The following MYLK2 variants were observed in gnomAD, a reference collection of about 807,000 sequenced individuals.
MYLK2 encodes the protein myosin light chain kinase 2, skeletal/cardiac muscle.
A neutral mutation model predicts 58.2 loss-of-function variants in MYLK2; 27 were observed. That is an observed-to-expected ratio of 0.46 (90% CI 0.34 to 0.64). MYLK2 has a LOEUF of 0.64. MYLK2 is among the 30% of genes least tolerant of loss of function. MYLK2 has a pLI of 0.01. For missense variants in MYLK2, 676 were observed against 764.3 expected (o/e 0.88, Z 1.36); for synonymous variants, 310 against 296.7 (o/e 1.04, Z -0.46).
intron 5 of MYLK2, chr20:31,823,857 A>C: frequency 1.3e-6 from 1 of 796,758 alleles, no homozygotes; most frequent in Non-Finnish European, 1.5e-6. Flanking sequence ...TCCAGGCACC[A>C]CACTGACCCC....
rs759832182 is a variant in MYLK2, at chr20:31,831,693, C to T, written c.1425-10C>T. The stretch of plus-strand genomic sequence containing the variant: ...TCACCTCCCTGCCCCCTGCTATCCC[C>T]TCCCTCTAGGCTGAGCGGCCTCTCC... On this transcript the variant is annotated splice_polypyrimidine_tract_variant and intron_variant, in intron 10 of 12. Transcript: ENST00000375985. 3.1e-6 allele frequency: 5 copies of T among 1,613,894 alleles called. No homozygotes were observed. Among genetic ancestry groups the T allele is most frequent in the Non-Finnish European group, 4.2e-6 (5 of 1,179,986 alleles).
rs2062323136 is a variant in MYLK2 at position 31,834,344 on chromosome 20, CCCCACTCCAGCAGATAAGGCCGAG to C, written c.*553_*576del. Reference sequence around the variant, plus strand: ...GAGGACCTCCATGCCCCCGCCACCTCCCCACTCCAGCAGATAAGGCCGAGCCCACACCATCTGGCCCAGGCTGGC... The same window carrying C: ...GAGGACCTCCATGCCCCCGCCACCTCCCCACACCATCTGGCCCAGGCTGGC... On this transcript the variant is annotated 3_prime_UTR_variant, in exon 13 of 13. Transcript: ENST00000375985. 1.2e-5 allele frequency: 2 copies of C among 163,564 alleles called. No homozygotes were observed. The highest frequency in any genetic ancestry group is 1.5e-4 in the South Asian group (1 of 6,532). The allele number at this position is 163,564 out of a possible 1,614,324, so 10.1% of individuals were successfully genotyped here. A position where few individuals can be genotyped will look rare whatever the true frequency, so the allele number is the denominator to read the frequency against.
intron 5 of MYLK2, 50 bp from the exon 6 acceptor site, chr20:31,824,209 A>C (rs754250006): frequency 6.9e-6 from 11 of 1,590,336 alleles, no homozygotes; most frequent in Middle Eastern, 1.7e-4. Flanking sequence ...GATGCCACTG[A>C]CCCCGGTGGG....
chr20:31,824,364 G>A lies in MYLK2; in HGVS notation c.972+12G>A, dbSNP rs749280011. ...CTCCCAAAGACAAGGTAGTGAGGTT[G>A]CGGGGGTGGTGGCTGCCCAGGATGG... On this transcript the variant is annotated intron_variant, in intron 6 of 12. Transcript: ENST00000375985. The A allele has an allele frequency of 3.7e-6, 6 of 1,606,056 alleles. No homozygotes were observed. The highest frequency in any genetic ancestry group is 3.3e-5 in the South Asian group (3 of 89,936).
At chr20:31,822,727 C>A (rs967446766) in intron 4 of MYLK2, among the ~76,000 whole-genome samples, 4 of 152,126 alleles carry the variant, frequency 2.6e-5, no homozygotes, top group African/African-American at 9.7e-5. Flanking sequence ...GCCACCCAGA[C>A]AGGGTGGGAG....
At chr20:31,832,214 T>A (rs1269720465) in intron 12 of MYLK2, 78 bp downstream of exon 12, 4 of 1,552,372 alleles carry the variant, frequency 2.6e-6, no homozygotes, top group Non-Finnish European at 3.5e-6. Context: ...GCCTCCACCG[T>A]CCCTGCCTTG....
chr20:31,821,753 G>C lies in MYLK2; in HGVS notation c.772+16G>C. On this transcript the variant is annotated intron_variant, in intron 4 of 12. Transcript: ENST00000375985. The stretch of plus-strand genomic sequence containing the variant: ...CAGATTTTGGGTAGGCCAGGGGCAG[G>C]TGGGGGCTGGGGCTGCCCTGGGGCC... The C allele has an allele frequency of 6.3e-7, 1 of 1,578,530 alleles. No individual in the cohort carries two copies. Among genetic ancestry groups the C allele is most frequent in the South Asian group, 1.2e-5 (1 of 84,852 alleles).
At chr20:31,822,490 T>C (rs757656146) in intron 4 of MYLK2, among the ~76,000 whole-genome samples, 23 of 152,202 alleles carry the variant, frequency 1.5e-4, no homozygotes, top group East Asian at 3.9e-4. Flanking sequence ...GTGGCCTTCA[T>C]TGATGATTAG....
chr20:31,832,404 C>T (rs893128422), intron 12 of MYLK2, among the ~76,000 whole-genome samples: 2 of 152,242 alleles, frequency 1.3e-5, no homozygotes, highest in Non-Finnish European at 2.9e-5. Flanking sequence ...GCATCTACTA[C>T]TTCTAGGCAT....
At position 31,834,590 on chromosome 20, in the gene MYLK2, G is replaced by A. The variant is rs1408754414; in HGVS notation, c.*793G>A. 2 of 152,736 alleles carry A rather than the reference G, an allele frequency of 1.3e-5. No homozygotes were observed. Among genetic ancestry groups the A allele is most frequent in the African/African-American group, 4.8e-5 (2 of 41,472 alleles). 9.5% of individuals were successfully genotyped at this position (152,736 alleles called of 1,614,324 possible). A position where few individuals can be genotyped will look rare whatever the true frequency, so the allele number is the denominator to read the frequency against. On this transcript the variant is annotated 3_prime_UTR_variant, in exon 13 of 13. Coordinates refer to ENST00000375985, the MANE Select transcript of MYLK2 (RefSeq NM_033118.4). ...TTGGGGGTCACCCATGGCCTCAGAT[G>A]ATGGGGTCAGCAGGCCCAGGAGAAT...
In MYLK2 at chr20:31,821,703, C is replaced by G; in HGVS notation, c.738C>G (p.Leu246=). 1 of 1,610,636 alleles carries G rather than the reference C, an allele frequency of 6.2e-7. No homozygotes were observed. Among genetic ancestry groups the G allele is most frequent in the Middle Eastern group, 1.7e-4 (1 of 6,044 alleles). The part of the protein sequence containing the change: ...EKSEVGQALC[L]TAREEDCFQI... ...CCGAGGTGGGGCAGGCCCTCTGTCT[C>G]ACAGCCAGGGAGGAGGACTGCTTCC... Residue 246 remains leucine (L), a synonymous_variant, in exon 4 of 13, where the codon CTC becomes CTG. Coordinates refer to ENST00000375985, the MANE Select transcript of MYLK2 (RefSeq NM_033118.4).
At position 31,830,879 on chromosome 20, in the gene MYLK2, C is replaced by T; in HGVS notation, c.1285C>T (p.Leu429=). 1 of 1,414,630 alleles carries T rather than the reference C, an allele frequency of 7.1e-7. No individual in the cohort carries two copies. The highest frequency in any genetic ancestry group is 1.1e-5 in the South Asian group (1 of 88,400). The allele number at this position is 1,414,630 out of a possible 1,614,324, so 87.6% of individuals were successfully genotyped here. ...GHLVKIIDFG[L]ARRYNPNEKL... ...TTTGGTGAAGATCATTGACTTTGGCCTGGCACGGAGGTACCACCTGGGTGG... is the reference window on the plus strand; with the variant it reads ...TTTGGTGAAGATCATTGACTTTGGCTTGGCACGGAGGTACCACCTGGGTGG... Residue 429 remains leucine, a synonymous_variant, in exon 9 of 13, where the codon CTG becomes TTG. Transcript: ENST00000375985.
At chr20:31,824,664 G>A in intron 6 of MYLK2, 1 of 733,082 alleles carries the variant, frequency 1.4e-6, no homozygotes, top group Non-Finnish European at 1.7e-6. Flanking sequence ...GCCCTGTGCT[G>A]GGCACTGGGG....
In MYLK2 at chr20:31,820,162, T is replaced by C; in HGVS notation, c.89T>C (p.Leu30Pro). The change falls in exon 3 of 13, where the codon CTG becomes CCG. Residue 30 changes from leucine (L) to proline (P), a missense_variant. This residue lies in a region of MYLK2 where 306 missense variants were observed against 296.5 expected (regional missense o/e 1.03). Transcript: ENST00000375985. ...APKGPTGERP[L>P]AAGKDPGPPD... ...AAAGGTCCCACAGGTGAAAGACCCCTGGCTGCAGGGAAAGACCCTGGCCCC... is the reference window on the plus strand; with the variant it reads ...AAAGGTCCCACAGGTGAAAGACCCCCGGCTGCAGGGAAAGACCCTGGCCCC... 1 of 1,613,894 alleles carries C rather than the reference T, an allele frequency of 6.2e-7. No homozygotes were observed. The highest frequency in any genetic ancestry group is 8.5e-7 in the Non-Finnish European group (1 of 1,179,972).
chr20:31,821,779 A>C, intron 4 of MYLK2, 42 bp downstream of exon 4: 1 of 1,252,400 alleles, frequency 8.0e-7, no homozygotes, highest in Non-Finnish European at 1.1e-6. Context: ...CCCTGGGGCC[A>C]GGGGGAGGGA....
chr20:31,824,169 G>A, intron 5 of MYLK2, 90 bp from the exon 6 acceptor site: 1 of 1,550,602 alleles, frequency 6.4e-7, no homozygotes. Context: ...GCACCACTGG[G>A]TCTGGGACCA....
In MYLK2 at chr20:31,819,445, A is replaced by T; in HGVS notation, c.-49+17A>T. On this transcript the variant is annotated intron_variant, in intron 1 of 12. Transcript: ENST00000375985. ...TTGCTCCAGGTACCTCTCTCCCCTC[A>T]GTTAGCAGGCCTCGGCTTCCTGTCT... The T allele has an allele frequency of 8.3e-7, 1 of 1,197,802 alleles. No individual in the cohort carries two copies. Among genetic ancestry groups the T allele is most frequent in the Non-Finnish European group, 1.2e-6 (1 of 830,512 alleles). The allele number at this position is 1,197,802 out of a possible 1,614,324, so 74.2% of individuals were successfully genotyped here.
chr20:31,830,744 GGTT>G, intron 8 of MYLK2, 72 bp from the exon 9 acceptor site: 1 of 1,489,274 alleles, frequency 6.7e-7, no homozygotes, highest in Non-Finnish European at 9.4e-7. Flanking sequence ...AGGAGCCTGG[GGTT>G]TGCACGGGCC....
At position 31,820,356 on chromosome 20, in the gene MYLK2, G is replaced by T; in HGVS notation, c.283G>T (p.Ala95Ser). Residue 95 changes from alanine to serine, a missense_variant, in exon 3 of 13, where the codon GCA becomes TCA. Physicochemically the swap from Ala to Ser is moderately conservative, Grantham distance 99. Transcript: ENST00000375985. ...CGCGGAGGGCAGTGCTGGGCCCCCG[G>T]CAGCCCTGCCCCAGCAGACTGCGAC... is the stretch of plus-strand genomic sequence containing the variant. ...GPAEGSAGPP[A>S]ALPQQTATPE... is the part of the protein sequence containing the mutation. The T allele has an allele frequency of 6.2e-7, 1 of 1,612,780 alleles. No homozygotes were observed.
Sources: allele counts gnomAD v4.1 joint callset (sites outside exome capture counted in the v4.1 genomes callset), GRCh38; gene constraint gnomAD v4.1.1; regional missense constraint gnomAD v4.1.1; transcripts MANE v1.5; gene names NCBI Gene and HGNC (gene_info 2026-07-23, HGNC 2026-07-21).